Variants in LGMN observed in about 807,000 individuals in gnomAD.
LGMN encodes legumain.
In LGMN, 36 loss-of-function variants were observed where a neutral mutation model predicts 56.8. The observed-to-expected ratio is 0.63, with a 90% CI of 0.49 to 0.84. LGMN has a LOEUF of 0.84. LGMN is among the 40% of genes least tolerant of loss of function. The probability of loss-of-function intolerance (pLI) is 0.00; values close to 1 mark genes in which losing one functional copy is unlikely to be tolerated. For synonymous variants in LGMN, 199 were observed against 210.1 expected (o/e 0.95, Z 0.46); for missense variants, 446 against 556.1 (o/e 0.80, Z 1.99).
intron 2 of LGMN, among the ~76,000 whole-genome samples, chr14:92,722,350 A>T (rs544813614): frequency 6.4e-4 from 97 of 152,140 alleles, no homozygotes; most frequent in African/African-American, 2.2e-3. Context: ...GGATCCCAGC[A>T]CTTTGGGATC....
At chr14:92,736,608 A>T (rs1891320758) in intron 1 of LGMN, among the ~76,000 whole-genome samples, 1 of 152,110 alleles carries the variant, frequency 6.6e-6, no homozygotes. Flanking sequence ...ATAAATAAAT[A>T]AAATAAAGTG....
intron 1 of LGMN, among the ~76,000 whole-genome samples, chr14:92,742,202 G>GCCAT (rs1372900111): frequency 6.0e-5 from 9 of 151,198 alleles, no homozygotes; most frequent in African/African-American, 2.2e-4. Flanking sequence ...AGCTGACCTT[G>GCCAT]CCATCCTAGA....
chr14:92,746,699 C>T (rs1241519427), intron 1 of LGMN, among the ~76,000 whole-genome samples: 1 of 152,156 alleles, frequency 6.6e-6, no homozygotes, highest in African/African-American at 2.4e-5. Flanking sequence ...CACAGCAGCA[C>T]AGGAAGCCCT....
intron 7 of LGMN, 88 bp downstream of exon 7, chr14:92,713,735 G>A: frequency 2.2e-6 from 2 of 894,816 alleles, no homozygotes; most frequent in Non-Finnish European, 3.8e-6. Flanking sequence ...ACCCACAGTT[G>A]GAGGACGGTC....
At position 92,704,329 on chromosome 14, in the gene LGMN, C is replaced by A; in HGVS notation, c.1292G>T (p.Gly431Val). 6.2e-7 allele frequency: 1 copy of A among 1,613,736 alleles called. No homozygotes were observed. Among genetic ancestry groups the A allele is most frequent in the Non-Finnish European group, 8.5e-7 (1 of 1,179,718 alleles). Residue 431 changes from glycine (G) to valine (V), a missense_variant, in exon 14 of 14, where the codon GGT (glycine) becomes GTT (valine). Physicochemically the swap from Gly to Val is moderately radical, Grantham distance 109. Transcript: ENST00000334869. ...CCAGGAGGCAGCTCTTCAGTAGTGA[C>A]CAAGGCACACGTGGTCCATGGACAA... ...IKLSMDHVCL[G>V]HY
At chr14:92,711,236 G>T (rs1889749690) in intron 10 of LGMN, among the ~76,000 whole-genome samples, 1 of 152,148 alleles carries the variant, frequency 6.6e-6, no homozygotes, top group Non-Finnish European at 1.5e-5. Flanking sequence ...TTGCAAAGGG[G>T]CAGGACCCCA....
chr14:92,714,461 A>C lies in LGMN; in HGVS notation c.405-10T>G. On this transcript the variant is annotated splice_polypyrimidine_tract_variant and intron_variant, in intron 5 of 13. Transcript: ENST00000334869. The surrounding 1 kb of genome is among the most constrained non-coding windows in gnomAD (Gnocchi z 5.1). ...GTGATCCTGGGGGCCACTGCCAAGA[A>C]GGAATCGGGGGTCAATCATTTCCTT... 1.3e-6 allele frequency: 2 copies of C among 1,578,724 alleles called. No individual in the cohort carries two copies. The highest frequency in any genetic ancestry group is 8.7e-7 in the Non-Finnish European group (1 of 1,150,172).
At chr14:92,744,620 A>C (rs1018608338) in intron 1 of LGMN, among the ~76,000 whole-genome samples, 1 of 115,292 alleles carries the variant, frequency 8.7e-6, no homozygotes, top group East Asian at 2.4e-4. Flanking sequence ...TTTGAGACGG[A>C]GTTTCGCTCT....
intron 1 of LGMN, among the ~76,000 whole-genome samples, chr14:92,734,985 A>G (rs1398540302): frequency 6.6e-6 from 1 of 152,192 alleles, no homozygotes; most frequent in Non-Finnish European, 1.5e-5. Flanking sequence ...TTCATGGAGG[A>G]CGCACCCAGA....
At position 92,732,923 on chromosome 14, in the gene LGMN, G is replaced by T. The variant is rs1328713542; in HGVS notation, c.-29-108C>A. 5.1e-6 allele frequency: 4 copies of T among 785,308 alleles called. No individual in the cohort carries two copies. The East Asian group carries it at 8.5e-5, about 17-fold the overall frequency. The allele number at this position is 785,308 out of a possible 1,614,324, so 48.6% of individuals were successfully genotyped here. The stretch of plus-strand genomic sequence containing the variant: ...TCCAGCACTTTGGGAGGCCGAGGAG[G>T]GTGGATCAAGAGGTCAGGAGTTTGA... On this transcript the variant is annotated intron_variant, in intron 1 of 13. Transcript: ENST00000334869.
At chr14:92,736,325 G>T (rs1891304169) in intron 1 of LGMN, among the ~76,000 whole-genome samples, 1 of 152,184 alleles carries the variant, frequency 6.6e-6, no homozygotes, top group Non-Finnish European at 1.5e-5. Context: ...GCCAGGTGCG[G>T]TGGCTCACAC....
chr14:92,704,266 GCA>G lies in LGMN; in HGVS notation c.*51_*52del. ...ACTCCACCTCTCCAGTCTCTGATCAGCACACAGTCGGTGGGGCGCTCACACTT... is the reference window on the plus strand; with the variant it reads ...ACTCCACCTCTCCAGTCTCTGATCAGCACAGTCGGTGGGGCGCTCACACTT... On this transcript the variant is annotated 3_prime_UTR_variant, in exon 14 of 14. Transcript: ENST00000334869. 2 of 1,613,266 alleles carry G rather than the reference GCA, an allele frequency of 1.2e-6. No homozygotes were observed. Among genetic ancestry groups the G allele is most frequent in the East Asian group, 2.2e-5 (1 of 44,882 alleles).
intron 5 of LGMN, among the ~76,000 whole-genome samples, chr14:92,715,351 G>T (rs1890021136): frequency 6.6e-6 from 1 of 152,108 alleles, no homozygotes; most frequent in African/African-American, 2.4e-5. Flanking sequence ...GAGTAGCTGG[G>T]ATTACAGGTG....
chr14:92,723,086 G>A lies in LGMN; in HGVS notation c.139-4242C>T, dbSNP rs188961914. 4.1e-3 allele frequency among the ~76,000 whole-genome samples: 622 copies of A among 150,206 alleles called. 5 individuals carry two copies. Among genetic ancestry groups the A allele is most frequent in the African/African-American group, 0.014 (580 of 40,600 alleles). Reference sequence around the variant, plus strand: ...TTTTGAGACAGAGTCTTGTTCTGTCGCCCAGACTGGAGTGCAGTGGTGCGA... The same window carrying A: ...TTTTGAGACAGAGTCTTGTTCTGTCACCCAGACTGGAGTGCAGTGGTGCGA... On this transcript the variant is annotated intron_variant, in intron 2 of 13. Coordinates refer to ENST00000334869, the MANE Select transcript of LGMN (RefSeq NM_005606.7).
At chr14:92,709,920 G>T in intron 10 of LGMN, 48 bp from the exon 11 acceptor site, 1 of 1,470,608 alleles carries the variant, frequency 6.8e-7, no homozygotes, top group Non-Finnish European at 9.3e-7. Context: ...GCGAGAGAGA[G>T]TGAGAGAAGG....
chr14:92,719,327 CCGCCACCGCCA>C (rs1890321785), intron 2 of LGMN, among the ~76,000 whole-genome samples: 1 of 107,374 alleles, frequency 9.3e-6, no homozygotes. Flanking sequence ...GCCGCCGCCA[CCGCCACCGCCA>C]TCACCGCCAC....
intron 2 of LGMN, among the ~76,000 whole-genome samples, chr14:92,721,733 T>G (rs1366045018): frequency 1.3e-5 from 2 of 151,974 alleles, no homozygotes; most frequent in Non-Finnish European, 1.5e-5. Flanking sequence ...AAGAAATAAC[T>G]CCAATCATAG....
rs116464079 is a variant in LGMN, at chr14:92,728,771, T to C, written c.138+3878A>G. Among the ~76,000 whole-genome samples, 524 of 152,348 alleles carry C rather than the reference T, an allele frequency of 3.4e-3. 2 individuals are homozygous for C. Among genetic ancestry groups the C allele is most frequent in the African/African-American group, 0.012 (492 of 41,580 alleles). ...GCTGTGGAGCATGGACTGCCTGGGT[T>C]AAATCTCAGCTCCACCCCTTACTGG... On this transcript the variant is annotated intron_variant, in intron 2 of 13. Coordinates refer to ENST00000334869, the MANE Select transcript of LGMN (RefSeq NM_005606.7).
chr14:92,744,658 C>T (rs576434637), intron 1 of LGMN, among the ~76,000 whole-genome samples: 4 of 149,296 alleles, frequency 2.7e-5, no homozygotes, highest in Admixed American at 1.3e-4. Context: ...TGCAACGGCA[C>T]GATCTTGGCT....
Sources: gnomAD v4.1 joint callset for allele counts (sites outside exome capture counted in the v4.1 genomes callset) on GRCh38, gnomAD v4.1.1 for gene constraint, Gnocchi (gnomAD v3.1) non-coding constraint, MANE v1.5 for transcripts, NCBI Gene and HGNC (gene_info 2026-07-23, HGNC 2026-07-21) for gene names.